The following LARP1B variants were observed in gnomAD, a reference collection of about 807,000 sequenced individuals.
The protein encoded by LARP1B is la-related protein 1B.
Under a neutral mutation model 114.2 loss-of-function variants are expected in LARP1B, and 76 were observed. That is an observed-to-expected ratio of 0.67 (90% confidence interval 0.55 to 0.81). The LOEUF is 0.81. Among genes scored for constraint, LARP1B ranks in the 30% least tolerant of loss-of-function variants. LARP1B has a pLI of 0.00. For missense variants in LARP1B, 1,014 were observed against 1,075.8 expected, an observed-to-expected ratio of 0.94 and a Z score of 0.80; for synonymous variants, 345 against 348.0, an observed-to-expected ratio of 0.99 and a Z score of 0.10.
At chr4:128,083,013 T>C (rs894161124) in intron 5 of LARP1B, among the ~76,000 whole-genome samples, 3 of 151,870 alleles carry the variant, frequency 2.0e-5, no homozygotes, top group Non-Finnish European at 4.4e-5. Flanking sequence ...GGAGTGGTGA[T>C]GATTCTTAAC....
intron 11 of LARP1B, among the ~76,000 whole-genome samples, chr4:128,144,991 AT>A (rs147832120): frequency 0.057 from 8,618 of 152,046 alleles, 800 homozygotes; most frequent in African/African-American, 0.2. Flanking sequence ...TTTCCTATTT[AT>A]TTTCACTGCT....
chr4:128,171,516 T>C (rs1273782216), intron 12 of LARP1B, among the ~76,000 whole-genome samples: 1 of 152,170 alleles, frequency 6.6e-6, no homozygotes, highest in African/African-American at 2.4e-5. Context: ...CTTTCAAGCG[T>C]GTTTTACTTT....
At chr4:128,069,036 A>G (rs1579729149) in intron 1 of LARP1B, 2 of 925,944 alleles carry the variant, frequency 2.2e-6, no homozygotes, top group Admixed American at 2.5e-5. Context: ...GTGGAGCTGG[A>G]GAGTATTGCG....
intron 3 of LARP1B, among the ~76,000 whole-genome samples, chr4:128,076,124 C>T (rs768107920): frequency 2.0e-5 from 3 of 152,098 alleles, no homozygotes; most frequent in Non-Finnish European, 4.4e-5. Context: ...AGTGATTCTC[C>T]TGCCTCAGCC....
At chr4:128,135,466 G>T (rs192151875) in intron 11 of LARP1B, among the ~76,000 whole-genome samples, 2 of 152,146 alleles carry the variant, frequency 1.3e-5, no homozygotes, top group South Asian at 4.1e-4. Context: ...AGGTATTTGC[G>T]TGTCCATGTT....
chr4:128,086,253 CTT>C (rs1392890107), intron 5 of LARP1B, among the ~76,000 whole-genome samples: 4 of 152,106 alleles, frequency 2.6e-5, no homozygotes, highest in Non-Finnish European at 5.9e-5. Context: ...GATCCACCCT[CTT>C]TGGCCTCCCA....
intron 12 of LARP1B, among the ~76,000 whole-genome samples, chr4:128,164,487 A>G (rs1739849320): frequency 6.6e-6 from 1 of 152,206 alleles, no homozygotes; most frequent in African/African-American, 2.4e-5. Context: ...CTAAAACCTT[A>G]AAAATTAATA....
intron 6 of LARP1B, among the ~76,000 whole-genome samples, chr4:128,219,491 T>C (rs1432974307): frequency 1.2e-5 from 1 of 81,716 alleles, no homozygotes; most frequent in African/African-American, 4.9e-5. Context: ...TCATGTCCTT[T>C]GTAGGGACAT....
chr4:128,148,379 C>T (rs1040996093), intron 11 of LARP1B, among the ~76,000 whole-genome samples: 7 of 151,152 alleles, frequency 4.6e-5, no homozygotes, highest in South Asian at 2.1e-4. Flanking sequence ...TGAAGTGAGC[C>T]GAGATTGCAC....
Position 128,061,786 on chromosome 4 carries a change from C to G in LARP1B, c.-78+385C>G, listed in dbSNP as rs1162472230. On this transcript the variant is annotated intron_variant, in intron 1 of 19. Coordinates refer to ENST00000326639, the MANE Select transcript of LARP1B (RefSeq NM_018078.4). ...GGGAGTCGCTGTTGGCCGCGGCGAA[C>G]CGGCCGGCCGAGCAGCCGCCCCCGC... The G allele has an allele frequency of 5.1e-6, 5 of 984,806 alleles. No individual in the cohort carries two copies. The African/African-American group carries it at 7.0e-5, about 14-fold the overall frequency. The allele number at this position is 984,806 out of a possible 1,614,324, so 61.0% of individuals were successfully genotyped here.
chr4:128,144,455 T>G (rs1729438341), intron 11 of LARP1B, among the ~76,000 whole-genome samples: 1 of 152,200 alleles, frequency 6.6e-6, no homozygotes, highest in Admixed American at 6.5e-5. Flanking sequence ...GGGAATTCAC[T>G]TATAGATATG....
At chr4:128,148,387 C>T (rs987444291) in intron 11 of LARP1B, among the ~76,000 whole-genome samples, 1 of 151,568 alleles carries the variant, frequency 6.6e-6, no homozygotes, top group African/African-American at 2.4e-5. Flanking sequence ...GCCGAGATTG[C>T]ACCATTGCAC....
chr4:128,104,384 T>G (rs757575023), intron 8 of LARP1B, among the ~76,000 whole-genome samples: 2 of 152,200 alleles, frequency 1.3e-5, no homozygotes, highest in Non-Finnish European at 2.9e-5. Context: ...TTGTTTACTT[T>G]CTGTTTTTTG....
intron 12 of LARP1B, among the ~76,000 whole-genome samples, chr4:128,166,930 TTCTCTCTCTCTCTC>T (rs56916317): frequency 0.02 from 2,057 of 103,040 alleles, 68 homozygotes; most frequent in African/African-American, 0.07. Context: ...TTATATTCTA[TTCTCTCTCTCTCTC>T]TCTCTCTCTC....
At chr4:128,149,650 G>C (rs1464965277) in intron 11 of LARP1B, among the ~76,000 whole-genome samples, 1 of 152,188 alleles carries the variant, frequency 6.6e-6, no homozygotes, top group Non-Finnish European at 1.5e-5. Context: ...GAAATGTTGA[G>C]TTGATTCATG....
intron 1 of LARP1B, chr4:128,069,438 A>G (rs532850007): frequency 2.6e-5 from 20 of 759,994 alleles, no homozygotes; most frequent in South Asian, 1.9e-4. Flanking sequence ...GCGAACACGA[A>G]TCCTATATAT....
intron 12 of LARP1B, among the ~76,000 whole-genome samples, chr4:128,165,551 A>C (rs1445532066): frequency 6.6e-6 from 1 of 152,102 alleles, no homozygotes; most frequent in Admixed American, 6.6e-5. Context: ...AATGATCCTA[A>C]TAGAAAAGAG....
intron 9 of LARP1B, 113 bp from the exon 10 acceptor site, chr4:128,114,429 AATCACTGGAAAGCTTACAGTTGAGACTG>A (rs1447353174): frequency 1.5e-4 from 96 of 647,506 alleles, no homozygotes; most frequent in East Asian, 1.4e-4. Context: ...CAGGTTTGAA[AATCACTGGAAAGCTTACAGTTGAGACTG>A]ATCATGTTTT....
intron 16 of LARP1B, among the ~76,000 whole-genome samples, chr4:128,200,128 T>C (rs1162645577): frequency 6.6e-6 from 1 of 152,180 alleles, no homozygotes; most frequent in Admixed American, 6.6e-5. Context: ...TTGTTGCTAT[T>C]GAGAGATATT....
Sources: allele counts gnomAD v4.1 joint callset (sites outside exome capture counted in the v4.1 genomes callset), GRCh38; gene constraint gnomAD v4.1.1; transcripts MANE v1.5; gene names NCBI Gene and HGNC (gene_info 2026-07-23, HGNC 2026-07-21).